Variants in UXS1 observed in about 807,000 individuals in gnomAD.
The protein encoded by UXS1 is UDP-glucuronic acid decarboxylase 1.
Under a neutral mutation model 62.6 loss-of-function variants are expected in UXS1, and 33 were observed. The observed-to-expected ratio is 0.53, with a 90% confidence interval of 0.40 to 0.70. The LOEUF (loss-of-function observed/expected upper bound fraction) is 0.70. UXS1 is among the 30% of genes least tolerant of loss of function. UXS1 has a pLI of 0.00. For synonymous variants in UXS1, 213 were observed against 206.8 expected (o/e 1.03, Z -0.26); for missense variants, 434 against 556.3 (o/e 0.78, Z 2.21).
chr2:106,186,006 G>A (rs1016801994), intron 1 of UXS1, among the ~76,000 whole-genome samples: 2 of 152,150 alleles, frequency 1.3e-5, no homozygotes, highest in African/African-American at 2.4e-5. Flanking sequence ...CAGCAGCCAC[G>A]GGAAACTAAT....
chr2:106,128,719 C>G (rs1680182378), intron 7 of UXS1, among the ~76,000 whole-genome samples: 1 of 152,212 alleles, frequency 6.6e-6, no homozygotes, highest in Non-Finnish European at 1.5e-5. Context: ...AAATCTCTTT[C>G]TCTAAATCTC....
chr2:106,119,145 T>G (rs1679313050), intron 9 of UXS1, among the ~76,000 whole-genome samples: 1 of 152,116 alleles, frequency 6.6e-6, no homozygotes, highest in Non-Finnish European at 1.5e-5. Context: ...AGCTGAGAGG[T>G]GCAGGGGTGA....
At chr2:106,184,985 A>G (rs1684471832) in intron 1 of UXS1, among the ~76,000 whole-genome samples, 1 of 151,920 alleles carries the variant, frequency 6.6e-6, no homozygotes, top group African/African-American at 2.4e-5. Context: ...GTTCATCAAA[A>G]TCTCTCTCAT....
At chr2:106,138,737 C>G in intron 6 of UXS1, 1 of 985,418 alleles carries the variant, frequency 1.0e-6, no homozygotes, top group Non-Finnish European at 1.2e-6. Context: ...ACTGTCGAGA[C>G]GTTCAGTTAA....
intron 6 of UXS1, 49 bp from the exon 7 acceptor site, chr2:106,129,827 A>T (rs749674251): frequency 8.2e-7 from 1 of 1,221,572 alleles, no homozygotes; most frequent in Non-Finnish European, 1.2e-6. Flanking sequence ...GCACCAAAAA[A>T]ATACTGACCT....
chr2:106,177,291 G>C (rs985527666), intron 1 of UXS1, among the ~76,000 whole-genome samples: 1 of 151,272 alleles, frequency 6.6e-6, no homozygotes, highest in Non-Finnish European at 1.5e-5. Context: ...TGCCGCCCGG[G>C]TTCAAGCGAT....
chr2:106,165,614 C>T (rs1167660084), intron 2 of UXS1, among the ~76,000 whole-genome samples: 1 of 152,040 alleles, frequency 6.6e-6, no homozygotes, highest in Non-Finnish European at 1.5e-5. Context: ...TGCATACAGG[C>T]CTAACGCTGG....
chr2:106,190,102 G>A (rs1305552853), intron 1 of UXS1, among the ~76,000 whole-genome samples: 3 of 152,178 alleles, frequency 2.0e-5, no homozygotes, highest in Admixed American at 6.5e-5. Flanking sequence ...GGGGGAAGAC[G>A]CGACAGACAA....
intron 12 of UXS1, 122 bp downstream of exon 12, chr2:106,100,936 A>C: frequency 8.0e-7 from 1 of 1,246,810 alleles, no homozygotes; most frequent in Non-Finnish European, 1.2e-6. Context: ...TTTAGCAAGC[A>C]ACAAACACAA....
chr2:106,143,438 A>AAAAAAAAAT (rs1558719565), intron 6 of UXS1, among the ~76,000 whole-genome samples: 1 of 122,340 alleles, frequency 8.2e-6, no homozygotes, highest in Non-Finnish European at 1.9e-5. Flanking sequence ...AAAAAAAAAA[A>AAAAAAAAAT]GGTATAATTT....
chr2:106,178,453 TGTGTGTGTATATACATACAA>T (rs1170495775), intron 1 of UXS1, among the ~76,000 whole-genome samples: 1 of 152,076 alleles, frequency 6.6e-6, no homozygotes, highest in Non-Finnish European at 1.5e-5. Flanking sequence ...TATATATGTA[TGTGTGTGTATATACATACAA>T]GTGTGTGTAT....
At chr2:106,098,226 A>C (rs1443963267) in intron 13 of UXS1, among the ~76,000 whole-genome samples, 1 of 152,226 alleles carries the variant, frequency 6.6e-6, no homozygotes, top group Non-Finnish European at 1.5e-5. Context: ...GGTCTGGAAG[A>C]CCTGACCTTC....
intron 1 of UXS1, among the ~76,000 whole-genome samples, chr2:106,174,057 C>T (rs1006777995): frequency 3.5e-5 from 4 of 114,680 alleles, no homozygotes; most frequent in Non-Finnish European, 6.5e-5. Context: ...GACTTACGGA[C>T]GGAGAAGGAG....
At chr2:106,185,182 T>TA (rs1164354561) in intron 1 of UXS1, among the ~76,000 whole-genome samples, 1 of 152,222 alleles carries the variant, frequency 6.6e-6, no homozygotes, top group Non-Finnish European at 1.5e-5. Context: ...TTCTGCTAAA[T>TA]GCCAACTCAA....
intron 1 of UXS1, among the ~76,000 whole-genome samples, chr2:106,169,559 T>G (rs2105073471): frequency 6.6e-6 from 1 of 152,240 alleles, no homozygotes. Flanking sequence ...TGGTGGCCTG[T>G]GCCTTCAGTC....
At chr2:106,104,645 C>A in intron 11 of UXS1, 149 bp downstream of exon 11, 1 of 910,014 alleles carries the variant, frequency 1.1e-6, no homozygotes, top group South Asian at 1.9e-5. Flanking sequence ...GCAAGTTTTC[C>A]CATCATAAAA....
chr2:106,188,686 G>A (rs372040116), intron 1 of UXS1, among the ~76,000 whole-genome samples: 14 of 152,288 alleles, frequency 9.2e-5, no homozygotes, highest in East Asian at 7.7e-4. Context: ...GGACCAACCC[G>A]CAGCACTAAG....
chr2:106,175,261 G>A (rs1683807362), intron 1 of UXS1, among the ~76,000 whole-genome samples: 1 of 152,206 alleles, frequency 6.6e-6, no homozygotes, highest in Non-Finnish European at 1.5e-5. Context: ...CCAGAATGCT[G>A]CTGCTGCATG....
chr2:106,122,119 T>G (rs1289589150), intron 9 of UXS1, among the ~76,000 whole-genome samples: 1 of 152,156 alleles, frequency 6.6e-6, no homozygotes, highest in Non-Finnish European at 1.5e-5. Context: ...ACAGCATTGC[T>G]CCCAGAAACA....
Sources: allele counts gnomAD v4.1 joint callset (sites outside exome capture counted in the v4.1 genomes callset), GRCh38; gene constraint gnomAD v4.1.1; transcripts MANE v1.5; gene names NCBI Gene and HGNC (gene_info 2026-07-23, HGNC 2026-07-21).